The following TMPRSS13 variants were observed in gnomAD, a reference collection of about 807,000 sequenced individuals.
The protein encoded by TMPRSS13 is transmembrane protease serine 13.
Under a neutral mutation model 68.4 loss-of-function variants are expected in TMPRSS13, and 50 were observed. That is an observed-to-expected ratio of 0.73 (90% CI 0.58 to 0.93). The LOEUF is 0.93. TMPRSS13 is among the 40% of genes least tolerant of loss of function. TMPRSS13 has a pLI of 0.00. For synonymous variants in TMPRSS13, 267 were observed against 285.8 expected (o/e 0.93, Z 0.66); for missense variants, 615 against 729.2 (o/e 0.84, Z 1.80).
chr11:117,903,968 G>A lies in TMPRSS13; in HGVS notation c.1515C>T (p.Asp505=). 3 of 1,612,046 alleles carry A rather than the reference G, an allele frequency of 1.9e-6. No individual in the cohort carries two copies. Among genetic ancestry groups the A allele is most frequent in the South Asian group, 2.2e-5 (2 of 90,492 alleles). Residue 505 remains aspartate, a synonymous_variant, in exon 11 of 13, where the codon GAC becomes GAT. Transcript: ENST00000524993. Reference sequence around the variant, plus strand: ...CCACAGGTACCCTCACCTGGCAGGAGTCTCTGCCCCCACGAAGGTCCCCAG... The same window carrying A: ...CCACAGGTACCCTCACCTGGCAGGAATCTCTGCCCCCACGAAGGTCCCCAG... ...MCAGDLRGGR[D]SCQGDSGGPL...
rs777748954 is a variant in TMPRSS13 at position 117,904,095 on chromosome 11, G to A, written c.1388C>T (p.Thr463Ile). 90 of 1,613,822 alleles carry A rather than the reference G, an allele frequency of 5.6e-5. 1 individual carries two copies. The highest frequency in any genetic ancestry group is 4.5e-4 in the South Asian group (41 of 91,032). Residue 463 changes from threonine (T) to isoleucine (I), a missense_variant, in exon 11 of 13, where the codon ACA becomes ATA. Thr to Ile is a moderately conservative substitution (Grantham distance 89). Coordinates refer to ENST00000524993, the MANE Select transcript of TMPRSS13 (RefSeq NM_001077263.3). The part of the protein sequence containing the change: ...FGKTRETDDK[T>I]SPFLREVQVN... Reference sequence around the variant, plus strand: ...CTGCACCTCCCGGAGGAAGGGGGATGTCTTGTCTTCAGTGAAGTGGGGTGG... The same window carrying A: ...CTGCACCTCCCGGAGGAAGGGGGATATCTTGTCTTCAGTGAAGTGGGGTGG...
At chr11:117,909,371 AG>A (rs745703605) in intron 8 of TMPRSS13, among the ~76,000 whole-genome samples, 1 of 152,162 alleles carries the variant, frequency 6.6e-6, no homozygotes, top group Non-Finnish European at 1.5e-5. Context: ...GGGCCCCCAA[AG>A]ACAATAGACC....
intron 10 of TMPRSS13, 108 bp from the exon 11 acceptor site, chr11:117,904,209 G>A: frequency 7.0e-7 from 1 of 1,422,930 alleles, no homozygotes; most frequent in Non-Finnish European, 9.4e-7. Flanking sequence ...ACAGCCTCCT[G>A]GGAATGGAGG....
rs1025153298 is a variant in TMPRSS13, at chr11:117,910,698, A to T, written c.946+9T>A. ...CACTGGCCACAATCCAAGAAGAAGA[A>T]CATCTTACGGGAACACTGGAGAGAG... On this transcript the variant is annotated intron_variant, in intron 7 of 12. Transcript: ENST00000524993. 6.2e-7 allele frequency: 1 copy of T among 1,607,060 alleles called. No homozygotes were observed. The highest frequency in any genetic ancestry group is 1.3e-5 in the African/African-American group (1 of 74,740).
intron 1 of TMPRSS13, among the ~76,000 whole-genome samples, chr11:117,926,161 G>T (rs2057704691): frequency 7.1e-6 from 1 of 140,170 alleles, no homozygotes; most frequent in Non-Finnish European, 1.5e-5. Context: ...CGAGGTGAGG[G>T]CTACACACCT....
chr11:117,919,717 C>T (rs1368158335), intron 1 of TMPRSS13, among the ~76,000 whole-genome samples: 2 of 152,266 alleles, frequency 1.3e-5, no homozygotes, highest in African/African-American at 4.8e-5. Context: ...AAGGGCCTCA[C>T]CACACCCCTG....
At chr11:117,928,976 A>G (rs573288093) in intron 1 of TMPRSS13, among the ~76,000 whole-genome samples, 1 of 152,312 alleles carries the variant, frequency 6.6e-6, no homozygotes, top group South Asian at 2.1e-4. Context: ...TTGGTGCTGT[A>G]ACACTATGGA....
Position 117,901,400 on chromosome 11 carries a change from G to C in TMPRSS13, c.*839C>G, listed in dbSNP as rs908631388. On this transcript the variant is annotated 3_prime_UTR_variant, in exon 13 of 13. Coordinates refer to ENST00000524993, the MANE Select transcript of TMPRSS13 (RefSeq NM_001077263.3). ...TGACTTGGGGGATGCCCATCCTGGG[G>C]ACTTTGTCCAGTCTCTTCATCCAGT... 6.6e-6 allele frequency: 1 copy of C among 152,588 alleles called. No homozygotes were observed. The highest frequency in any genetic ancestry group is 2.4e-5 in the African/African-American group (1 of 41,414). 9.5% of individuals were successfully genotyped at this position (152,588 alleles called of 1,614,324 possible). A position where few individuals can be genotyped will look rare whatever the true frequency, so the allele number is the denominator to read the frequency against.
chr11:117,914,285 G>T lies in TMPRSS13; in HGVS notation c.679+107C>A. ...AACATGCACATACACACACATGCAC[G>T]CACACATATACACACACAGGCATGC... On this transcript the variant is annotated intron_variant, in intron 4 of 12. Coordinates refer to ENST00000524993, the MANE Select transcript of TMPRSS13 (RefSeq NM_001077263.3). This position sits in a 1 kb window ranked among gnomAD's most constrained non-coding sequence, Gnocchi z 4.2. 6.9e-7 allele frequency: 1 copy of T among 1,442,696 alleles called. No individual in the cohort carries two copies. The highest frequency in any genetic ancestry group is 9.5e-7 in the Non-Finnish European group (1 of 1,048,262). 89.4% of individuals were successfully genotyped at this position (1,442,696 alleles called of 1,614,324 possible). A position where few individuals can be genotyped will look rare whatever the true frequency, so the allele number is the denominator to read the frequency against.
intron 1 of TMPRSS13, among the ~76,000 whole-genome samples, chr11:117,920,985 G>A (rs906274033): frequency 3.3e-5 from 5 of 152,204 alleles, no homozygotes; most frequent in Non-Finnish European, 7.3e-5. Flanking sequence ...ACATGAAAGA[G>A]CCTGGTCTAT....
intron 1 of TMPRSS13, among the ~76,000 whole-genome samples, chr11:117,921,410 T>G (rs1158618420): frequency 1.3e-5 from 2 of 152,186 alleles, no homozygotes; most frequent in Non-Finnish European, 2.9e-5. Flanking sequence ...CTGAATGAGC[T>G]GGTGGTCTTT....
intron 3 of TMPRSS13, among the ~76,000 whole-genome samples, chr11:117,916,727 G>GT (rs770607999): frequency 4.5e-4 from 69 of 152,112 alleles, no homozygotes; most frequent in Non-Finnish European, 8.2e-4. Context: ...TTTCATGTGT[G>GT]TTTTTTTAAT....
intron 12 of TMPRSS13, 181 bp downstream of exon 12, chr11:117,903,474 G>C: frequency 6.5e-7 from 1 of 1,539,464 alleles, no homozygotes; most frequent in Non-Finnish European, 8.7e-7. Context: ...AAGAAAAGCA[G>C]GGAAAGAAAC....
At position 117,911,866 on chromosome 11, in the gene TMPRSS13, A is replaced by T; in HGVS notation, c.810-6T>A. 1 of 1,612,336 alleles carries T rather than the reference A, an allele frequency of 6.2e-7. No homozygotes were observed. Among genetic ancestry groups the T allele is most frequent in the East Asian group, 2.2e-5 (1 of 44,868 alleles). On this transcript the variant is annotated splice_region_variant and splice_polypyrimidine_tract_variant and intron_variant, in intron 5 of 12. Transcript: ENST00000524993. Reference sequence around the variant, plus strand: ...CCTCGGTTGTCCGGTGAGCACTACAAGGGAGCAGAGGGGAGAAGAATGAGC... The same window carrying T: ...CCTCGGTTGTCCGGTGAGCACTACATGGGAGCAGAGGGGAGAAGAATGAGC...
chr11:117,907,934 G>C lies in TMPRSS13; in HGVS notation c.1282+678C>G, dbSNP rs534842780. ...ATGAATGAATGAAGTCTTCTTTGAC[G>C]TCCCCTGTCCACAGTGATCTTCTGA... is the stretch of plus-strand genomic sequence containing the variant. On this transcript the variant is annotated intron_variant, in intron 9 of 12. Transcript: ENST00000524993. 135 of 985,316 alleles carry C rather than the reference G, an allele frequency of 1.4e-4. No individual in the cohort carries two copies. The African/African-American group carries it at 2.3e-3, about 17-fold the overall frequency. 61.0% of individuals were successfully genotyped at this position (985,316 alleles called of 1,614,324 possible). A position where few individuals can be genotyped will look rare whatever the true frequency, so the allele number is the denominator to read the frequency against.
rs2057409481 is a variant in TMPRSS13, at chr11:117,901,361, T to C, written c.*878A>G. The C allele has an allele frequency of 6.6e-6, 1 of 152,598 alleles. No individual in the cohort carries two copies. Among genetic ancestry groups the C allele is most frequent in the African/African-American group, 2.4e-5 (1 of 41,436 alleles). The allele number at this position is 152,598 out of a possible 1,614,324, so 9.5% of individuals were successfully genotyped here. Reference sequence around the variant, plus strand: ...GCTTCCCTGAGTATCTCCTAGGGGCTCCAGATGCTGTAGTGACTTGGGGGA... The same window carrying C: ...GCTTCCCTGAGTATCTCCTAGGGGCCCCAGATGCTGTAGTGACTTGGGGGA... On this transcript the variant is annotated 3_prime_UTR_variant, in exon 13 of 13. Transcript: ENST00000524993.
intron 1 of TMPRSS13, among the ~76,000 whole-genome samples, chr11:117,920,095 G>A (rs141018023): frequency 6.6e-5 from 10 of 152,160 alleles, no homozygotes; most frequent in Admixed American, 5.9e-4. Flanking sequence ...CTGGGGCATC[G>A]GGGTCAGGTG....
chr11:117,909,554 TC>T (rs980046295), intron 8 of TMPRSS13, among the ~76,000 whole-genome samples: 2 of 152,210 alleles, frequency 1.3e-5, no homozygotes, highest in Non-Finnish European at 2.9e-5. Flanking sequence ...CAGTCCCTCT[TC>T]CTGCCTGCCT....
intron 1 of TMPRSS13, among the ~76,000 whole-genome samples, chr11:117,928,483 C>T (rs550786706): frequency 6.6e-6 from 1 of 152,190 alleles, no homozygotes; most frequent in African/African-American, 2.4e-5. Flanking sequence ...GTCCCAGGCT[C>T]TACCATGTCG....
Sources: gnomAD v4.1 joint callset for allele counts (sites outside exome capture counted in the v4.1 genomes callset) on GRCh38, gnomAD v4.1.1 for gene constraint, Gnocchi (gnomAD v3.1) non-coding constraint, MANE v1.5 for transcripts, NCBI Gene and HGNC (gene_info 2026-07-23, HGNC 2026-07-21) for gene names.